BCL7C: variants seen among roughly 807,000 people sequenced by gnomAD.
The protein encoded by BCL7C is BAF chromatin remodeling complex subunit BCL7C.
In BCL7C, 8 loss-of-function variants were observed where a neutral mutation model predicts 26.2. The observed-to-expected ratio is 0.30, with a 90% CI of 0.18 to 0.55. BCL7C has a LOEUF of 0.55. Among genes scored for constraint, BCL7C ranks in the 20% least tolerant of loss-of-function variants. BCL7C has a pLI of 0.93. For missense variants in BCL7C, 262 were observed against 298.5 expected (o/e 0.88, Z 0.90); for synonymous variants, 90 against 116.5 (o/e 0.77, Z 1.47).
intron 5 of BCL7C, among the ~76,000 whole-genome samples, chr16:30,854,603 AT>A (rs1439406635): frequency 6.6e-6 from 1 of 151,872 alleles, no homozygotes; most frequent in African/African-American, 2.4e-5. Context: ...CATATTGAAG[AT>A]TTTCTCTGGC....
chr16:30,850,754 CAGGACTGGAAGTTGCCCTAGATGAGTT>C (rs1423990144), intron 5 of BCL7C, among the ~76,000 whole-genome samples: 6 of 152,166 alleles, frequency 3.9e-5, no homozygotes, highest in Non-Finnish European at 1.5e-5. Flanking sequence ...ATGGAGCCTA[CAGGACTGGAAGTTGCCCTAGATGAGTT>C]AGTAAGTCAG....
rs758573108 is a variant in BCL7C at position 30,879,700 on chromosome 16, A to AAAAAAAAAAAAAAAAAC, written c.528+9159_528+9160insGTTTTTTTTTTTTTTTT. On this transcript the variant is annotated intron_variant, in intron 5 of 5. Transcript: ENST00000380317. ...ACTCCCCTTCTCTACAAAAAAAAAA[A>AAAAAAAAAAAAAAAAAC]AAAAAAAAACTGGGCACGGTGGCTC... Among the ~76,000 whole-genome samples the AAAAAAAAAAAAAAAAAC allele has an allele frequency of 3.6e-4, 48 of 135,102 alleles. 4 individuals are homozygous for AAAAAAAAAAAAAAAAAC. The highest frequency in any genetic ancestry group is 5.7e-4 in the Non-Finnish European group (34 of 59,532). 88.6% of individuals were successfully genotyped at this position (135,102 alleles called of 152,430 possible). A position where few individuals can be genotyped will look rare whatever the true frequency, so the allele number is the denominator to read the frequency against.
At chr16:30,874,949 C>G (rs1212872932) in intron 5 of BCL7C, among the ~76,000 whole-genome samples, 2 of 152,234 alleles carry the variant, frequency 1.3e-5, no homozygotes, top group African/African-American at 2.4e-5. Flanking sequence ...CACTGGAGAC[C>G]GGGAATGGCT....
At chr16:30,887,262 T>C (rs754610209), downstream of BCL7C, among the ~76,000 whole-genome samples, 6 of 151,456 alleles carry the variant, frequency 4.0e-5, no homozygotes, top group Non-Finnish European at 8.8e-5. Context: ...TGAGGCGAGA[T>C]TGCGCCATTG....
intron 5 of BCL7C, among the ~76,000 whole-genome samples, chr16:30,879,477 TAAAAG>T (rs1443292886): frequency 2.6e-5 from 4 of 151,766 alleles, no homozygotes; most frequent in Non-Finnish European, 4.4e-5. Context: ...TTAGCCTGAG[TAAAAG>T]AAAACAGATG....
rs755534916 is a variant in BCL7C at position 30,834,980 on chromosome 16, G to T, written c.697C>A (p.Pro233Thr). The stretch of plus-strand genomic sequence containing the variant: ...CCCTTACCCTGGGGGATTGTTCTGG[G>T]TGCCCTCGGGGCCTTGCTGCCTCCC... The change falls in exon 6 of 6, where the codon CCC becomes ACC. Residue 233 changes from proline (P) to threonine (T), a missense_variant. Coordinates refer to the BCL7C transcript ENST00000380317. This position sits in a 1 kb window ranked among gnomAD's most constrained non-coding sequence, Gnocchi z 4.3. 24 of 1,546,846 alleles carry T rather than the reference G, an allele frequency of 1.6e-5. No homozygotes were observed. The highest frequency in any genetic ancestry group is 2.0e-5 in the Non-Finnish European group (23 of 1,145,866).
chr16:30,861,971 C>T lies in BCL7C; in HGVS notation c.529-26823G>A, dbSNP rs183804369. 5.1e-3 allele frequency among the ~76,000 whole-genome samples: 748 copies of T among 147,150 alleles called. 4 individuals are homozygous for T. Among genetic ancestry groups the T allele is most frequent in the African/African-American group, 0.018 (711 of 40,224 alleles). On this transcript the variant is annotated intron_variant, in intron 5 of 5. Coordinates refer to the BCL7C transcript ENST00000380317. ...CTCCGCCTCCTGGGTTCATGCCATTCTCCTGCCTCAGCCTCCCAAGTAGCT... is the reference window on the plus strand; with the variant it reads ...CTCCGCCTCCTGGGTTCATGCCATTTTCCTGCCTCAGCCTCCCAAGTAGCT...
downstream of BCL7C, among the ~76,000 whole-genome samples, chr16:30,884,240 G>A (rs73526613): frequency 2.7e-3 from 407 of 152,024 alleles, no homozygotes; most frequent in African/African-American, 9.6e-3. Context: ...GAATGGGGGA[G>A]ACTCAAACTT....
intron 5 of BCL7C, among the ~76,000 whole-genome samples, chr16:30,836,329 A>G (rs577947482): frequency 1.1e-4 from 16 of 152,284 alleles, no homozygotes; most frequent in South Asian, 6.2e-4. Flanking sequence ...TTAGCCCAGC[A>G]TGATGGCATG....
chr16:30,843,762 G>A (rs1021815321), intron 5 of BCL7C, among the ~76,000 whole-genome samples: 2 of 151,814 alleles, frequency 1.3e-5, no homozygotes, highest in Non-Finnish European at 2.9e-5. Flanking sequence ...AGCATAGACC[G>A]GGCACTGTGG....
intron 5 of BCL7C, among the ~76,000 whole-genome samples, chr16:30,844,348 C>CAAA (rs55663737): frequency 4.1e-5 from 3 of 73,394 alleles, no homozygotes; most frequent in East Asian, 4.5e-4. Context: ...GACTCCGTCT[C>CAAA]AAAAAAAAAA....
downstream of BCL7C, among the ~76,000 whole-genome samples, chr16:30,883,781 T>A (rs1485412846): frequency 6.9e-6 from 1 of 145,496 alleles, no homozygotes; most frequent in East Asian, 2.2e-4. Context: ...CCTCCCAAAG[T>A]GCTGGGATTA....
intron 5 of BCL7C, among the ~76,000 whole-genome samples, chr16:30,868,129 G>GT (rs11404665): frequency 0.65 from 85,174 of 131,542 alleles, 29,165 homozygotes; most frequent in East Asian, 0.92. Context: ...AAATCTGTGG[G>GT]TTTTTTTTTT....
At chr16:30,888,118 GC>G in intron 5 of BCL7C, 128 bp from the exon 6 acceptor site, 1 of 867,098 alleles carries the variant, frequency 1.2e-6, no homozygotes, top group Non-Finnish European at 1.7e-6. Context: ...AGGGCCAGAT[GC>G]CCAGGATGCA....
At chr16:30,882,304 C>A (rs1299178068) in intron 5 of BCL7C, among the ~76,000 whole-genome samples, 1 of 152,104 alleles carries the variant, frequency 6.6e-6, no homozygotes, top group Non-Finnish European at 1.5e-5. Context: ...GCCCAGCAAA[C>A]AGTAAGTACA....
chr16:30,870,682 AT>A (rs1337773379), intron 5 of BCL7C, among the ~76,000 whole-genome samples: 70 of 152,240 alleles, frequency 4.6e-4, no homozygotes, highest in African/African-American at 1.4e-3. Context: ...ATAAAATAAA[AT>A]TAAATAAATA....
intron 5 of BCL7C, among the ~76,000 whole-genome samples, chr16:30,857,972 CAAAA>C (rs58563705): frequency 3.4e-5 from 4 of 115,998 alleles, no homozygotes; most frequent in Non-Finnish European, 5.4e-5. Context: ...ACTCCAACTC[CAAAA>C]AAAAAAAAAA....
At chr16:30,835,925 C>G (rs950882632) in intron 5 of BCL7C, among the ~76,000 whole-genome samples, 2 of 151,800 alleles carry the variant, frequency 1.3e-5, no homozygotes, top group Non-Finnish European at 2.9e-5. Flanking sequence ...GGAGGCCAAA[C>G]AAAGCAGGAT....
In BCL7C at chr16:30,888,939, C is replaced by G. The variant is rs1335217168; in HGVS notation, c.449G>C (p.Gly150Ala). ...GTCGGTGCTGCCAGCAGTTATGCCC[C>G]CGGGATCTGGAACGTCAAGGTAACA... is the stretch of plus-strand genomic sequence containing the variant. ...PPRLGQERDP[G>A]GITAGSTDEP... The change falls in exon 5 of 6, where the codon GGG (glycine) becomes GCG (alanine). Residue 150 changes from glycine to alanine, a missense_variant. Gly to Ala is a moderately conservative substitution (Grantham distance 60, BLOSUM62 0). Transcript: ENST00000215115. 6.2e-7 allele frequency: 1 copy of G among 1,613,846 alleles called. No homozygotes were observed. The highest frequency in any genetic ancestry group is 8.5e-7 in the Non-Finnish European group (1 of 1,179,906).
Sources: allele counts gnomAD v4.1 joint callset (sites outside exome capture counted in the v4.1 genomes callset), GRCh38; gene constraint gnomAD v4.1.1; non-coding constraint Gnocchi (gnomAD v3.1); transcripts MANE v1.5; gene names NCBI Gene and HGNC (gene_info 2026-07-23, HGNC 2026-07-21).